WDFY2: variants seen among roughly 807,000 people sequenced by gnomAD.
WDFY2 encodes WD repeat and FYVE domain-containing protein 2.
A neutral mutation model predicts 56.4 loss-of-function variants in WDFY2; 36 were observed. That is an observed-to-expected ratio of 0.64 (90% CI 0.49 to 0.84). The LOEUF (loss-of-function observed/expected upper bound fraction) is 0.84. Among genes scored for constraint, WDFY2 ranks in the 40% least tolerant of loss-of-function variants. The probability of loss-of-function intolerance (pLI) is 0.00; values close to 1 mark genes in which losing one functional copy is unlikely to be tolerated. For missense variants in WDFY2, 444 were observed against 512.2 expected (o/e 0.87, Z 1.29); for synonymous variants, 176 against 183.7 (o/e 0.96, Z 0.34).
intron 1 of WDFY2, among the ~76,000 whole-genome samples, chr13:51,641,757 C>T (rs997412026): frequency 3.1e-5 from 4 of 128,240 alleles, no homozygotes; most frequent in Non-Finnish European, 4.7e-5. Context: ...ACCCGGGAGG[C>T]GGAGCTTGCA....
chr13:51,649,549 A>G (rs1955328843), intron 1 of WDFY2, among the ~76,000 whole-genome samples: 1 of 149,174 alleles, frequency 6.7e-6, no homozygotes, highest in African/African-American at 2.5e-5. Context: ...AACATTAGGT[A>G]TATCTCCTAA....
In WDFY2 at chr13:51,719,178, T is replaced by C. The variant is rs1366669696; in HGVS notation, c.335-20T>C. The C allele has an allele frequency of 6.2e-7, 1 of 1,614,168 alleles. No individual in the cohort carries two copies. The highest frequency in any genetic ancestry group is 8.5e-7 in the Non-Finnish European group (1 of 1,180,018). ...CCTTAGGATGCTTTATAGGTTGTTT[T>C]CTTTTCTCTTGGTTTTCAGCGCATC... On this transcript the variant is annotated intron_variant, in intron 4 of 11. Coordinates refer to ENST00000298125, the MANE Select transcript of WDFY2 (RefSeq NM_052950.4).
chr13:51,744,633 A>G (rs1374376691), intron 7 of WDFY2, among the ~76,000 whole-genome samples: 3 of 152,270 alleles, frequency 2.0e-5, no homozygotes, highest in African/African-American at 4.8e-5. Context: ...AAATGAGGCC[A>G]TCCCACTAAC....
chr13:51,685,847 T>G (rs1956053768), intron 3 of WDFY2, among the ~76,000 whole-genome samples: 1 of 152,194 alleles, frequency 6.6e-6, no homozygotes. Context: ...AACGTATGCA[T>G]TGGCATTTCC....
chr13:51,625,908 T>A (rs1208599601), intron 1 of WDFY2, among the ~76,000 whole-genome samples: 1 of 152,234 alleles, frequency 6.6e-6, no homozygotes, highest in African/African-American at 2.4e-5. Context: ...CCTGTTAGAT[T>A]GTTTTAATGT....
At chr13:51,599,335 G>C (rs1173378620) in intron 1 of WDFY2, 3 of 152,318 alleles carry the variant, frequency 2.0e-5, no homozygotes, top group Non-Finnish European at 2.9e-5. Flanking sequence ...TCATATCTCT[G>C]TGCAGACTAT....
At chr13:51,648,446 C>T (rs975423222) in intron 1 of WDFY2, among the ~76,000 whole-genome samples, 4 of 152,078 alleles carry the variant, frequency 2.6e-5, no homozygotes, top group African/African-American at 9.7e-5. Flanking sequence ...CACTTTTGGG[C>T]CTGATGTAGT....
chr13:51,736,181 T>G (rs1256109637), intron 6 of WDFY2, among the ~76,000 whole-genome samples: 1 of 152,204 alleles, frequency 6.6e-6, no homozygotes, highest in African/African-American at 2.4e-5. Context: ...GAGTGGTGCT[T>G]CCCATGTGCT....
intron 7 of WDFY2, among the ~76,000 whole-genome samples, chr13:51,749,789 C>T (rs1236862595): frequency 1.3e-5 from 2 of 152,078 alleles, no homozygotes; most frequent in Non-Finnish European, 2.9e-5. Flanking sequence ...TTGATTAGCT[C>T]AGGTTAACAT....
intron 1 of WDFY2, 107 bp from the exon 2 acceptor site, chr13:51,660,489 G>A (rs538263131): frequency 1.5e-5 from 15 of 1,024,302 alleles, no homozygotes; most frequent in East Asian, 2.9e-5. Context: ...GAGCCACCGC[G>A]CCTGGCCTCT....
intron 7 of WDFY2, among the ~76,000 whole-genome samples, chr13:51,749,967 A>T (rs1049496600): frequency 1.3e-5 from 2 of 152,214 alleles, no homozygotes; most frequent in South Asian, 4.1e-4. Context: ...TCACTTGACC[A>T]GCTATCCTGA....
At chr13:51,743,582 T>C (rs556627366) in intron 7 of WDFY2, among the ~76,000 whole-genome samples, 1 of 152,356 alleles carries the variant, frequency 6.6e-6, no homozygotes, top group East Asian at 1.9e-4. Context: ...TGTTTCTCTC[T>C]GTAGAATTTC....
chr13:51,753,965 C>T (rs895087277), intron 8 of WDFY2, among the ~76,000 whole-genome samples: 9 of 151,612 alleles, frequency 5.9e-5, no homozygotes, highest in African/African-American at 1.7e-4. Flanking sequence ...TGGTTGCAGA[C>T]GCCTGTAATC....
intron 2 of WDFY2, among the ~76,000 whole-genome samples, chr13:51,672,637 G>C (rs905728609): frequency 6.6e-6 from 1 of 151,950 alleles, no homozygotes; most frequent in Non-Finnish European, 1.5e-5. Flanking sequence ...TGCTTTTGGC[G>C]GTATGTTCAT....
intron 1 of WDFY2, among the ~76,000 whole-genome samples, chr13:51,632,601 G>T (rs1256453598): frequency 6.6e-6 from 1 of 152,002 alleles, no homozygotes; most frequent in Non-Finnish European, 1.5e-5. Flanking sequence ...TACCCATTTT[G>T]CTTTTTACTT....
At chr13:51,599,893 A>C (rs1189650541) in intron 1 of WDFY2, among the ~76,000 whole-genome samples, 1 of 151,632 alleles carries the variant, frequency 6.6e-6, no homozygotes, top group Non-Finnish European at 1.5e-5. Context: ...ACAAACAAAC[A>C]AACAAAAAAA....
At chr13:51,710,878 T>A (rs574588879) in intron 4 of WDFY2, among the ~76,000 whole-genome samples, 1 of 152,090 alleles carries the variant, frequency 6.6e-6, no homozygotes, top group Non-Finnish European at 1.5e-5. Context: ...GTAATTTATA[T>A]ATTCAATGCC....
At chr13:51,750,367 A>G (rs531017606) in intron 7 of WDFY2, among the ~76,000 whole-genome samples, 1 of 152,210 alleles carries the variant, frequency 6.6e-6, no homozygotes, top group African/African-American at 2.4e-5. Flanking sequence ...TTTCTGGATT[A>G]TAAACACATA....
At position 51,680,712 on chromosome 13, in the gene WDFY2, G is replaced by A. The variant is rs149983033; in HGVS notation, c.279+5469G>A. Among the ~76,000 whole-genome samples, 737 of 152,208 alleles carry A rather than the reference G, an allele frequency of 4.8e-3. 7 individuals carry two copies. The highest frequency in any genetic ancestry group is 0.017 in the African/African-American group (714 of 41,534). On this transcript the variant is annotated intron_variant, in intron 3 of 11. Transcript: ENST00000298125. ...GAAGATGATTCAAAATCCTCTTGTG[G>A]GAGATAAGAAAATATAATTGAAAGG...
Sources: gnomAD v4.1 joint callset for allele counts (sites outside exome capture counted in the v4.1 genomes callset) on GRCh38, gnomAD v4.1.1 for gene constraint, MANE v1.5 for transcripts, NCBI Gene and HGNC (gene_info 2026-07-23, HGNC 2026-07-21) for gene names.